The following NEDD4L variants were observed in gnomAD, a reference collection of about 807,000 sequenced individuals.
The protein encoded by NEDD4L is E3 ubiquitin-protein ligase NEDD4-like.
In NEDD4L, 54 loss-of-function variants were observed where a neutral mutation model predicts 148.9. The ratio of observed to expected loss-of-function variants is 0.36; its 90% CI spans 0.29 to 0.45. NEDD4L has a LOEUF of 0.45. Among genes scored for constraint, NEDD4L ranks in the 20% least tolerant of loss-of-function variants. NEDD4L has a pLI of 1.00. For synonymous variants in NEDD4L, 433 were observed against 440.7 expected (o/e 0.98, Z 0.22); for missense variants, 856 against 1,233.8 (o/e 0.69, Z 4.59).
At chr18:58,188,659 A>G (rs1340505096) in intron 2 of NEDD4L, among the ~76,000 whole-genome samples, 1 of 152,158 alleles carries the variant, frequency 6.6e-6, no homozygotes, top group Non-Finnish European at 1.5e-5. Context: ...TTGACTTTCC[A>G]TATAACAGCA....
chr18:58,246,542 G>A (rs560694907), intron 3 of NEDD4L, among the ~76,000 whole-genome samples: 2 of 152,238 alleles, frequency 1.3e-5, no homozygotes, highest in Admixed American at 6.5e-5. Context: ...TCAGCTCACC[G>A]CAACCTTTGC....
At chr18:58,244,308 G>A (rs992458391) in intron 2 of NEDD4L, among the ~76,000 whole-genome samples, 5 of 152,206 alleles carry the variant, frequency 3.3e-5, no homozygotes, top group South Asian at 2.1e-4. Flanking sequence ...ATACATGAGA[G>A]CCCTTTTTAT....
intron 1 of NEDD4L, among the ~76,000 whole-genome samples, chr18:58,142,233 A>T (rs923803070): frequency 8.1e-5 from 12 of 148,318 alleles, no homozygotes; most frequent in Admixed American, 3.4e-4. Context: ...TATTTTTTGT[A>T]GAGACGGGAT....
At chr18:58,095,124 G>T (rs1051337611) in intron 1 of NEDD4L, among the ~76,000 whole-genome samples, 1 of 152,164 alleles carries the variant, frequency 6.6e-6, no homozygotes, top group Non-Finnish European at 1.5e-5. Context: ...GGTTCTCATT[G>T]TTTTATTCCT....
intron 1 of NEDD4L, among the ~76,000 whole-genome samples, chr18:58,141,227 G>A (rs1383494217): frequency 3.3e-5 from 5 of 152,274 alleles, no homozygotes; most frequent in Admixed American, 6.5e-5. Context: ...CCTGGCGGGG[G>A]ATGTGGTAGA....
chr18:58,390,733 G>A lies in NEDD4L; in HGVS notation c.2743G>A (p.Glu915Lys). Reference sequence around the variant, plus strand: ...GCGAGTACCTATGAATGGATTTGCCGAACTTTATGGTGAGCAGGATACCAT... The same window carrying A: ...GCGAGTACCTATGAATGGATTTGCCAAACTTTATGGTGAGCAGGATACCAT... The part of the protein sequence containing the change: ...TSRVPMNGFA[E>K]LYGSNGPQLF... Residue 915 changes from glutamate (E) to lysine (K), a missense_variant, in exon 29 of 31, where the codon GAA (glutamate) becomes AAA (lysine). Transcript: ENST00000400345. 6.3e-7 allele frequency: 1 copy of A among 1,590,484 alleles called. No individual in the cohort carries two copies. Among genetic ancestry groups the A allele is most frequent in the Non-Finnish European group, 8.6e-7 (1 of 1,166,274 alleles).
At chr18:58,330,984 C>G in intron 11 of NEDD4L, 70 bp downstream of exon 11, 1 of 1,493,626 alleles carries the variant, frequency 6.7e-7, no homozygotes, top group South Asian at 1.2e-5. Flanking sequence ...TAAGGAGAAT[C>G]TCTTACGTAA....
chr18:58,197,101 T>C (rs1030742855), intron 2 of NEDD4L, among the ~76,000 whole-genome samples: 2 of 152,138 alleles, frequency 1.3e-5, no homozygotes, highest in African/African-American at 4.8e-5. Flanking sequence ...TGTGTGGCAT[T>C]GGGTCCCTGG....
chr18:58,395,605 C>T (rs763018978), intron 30 of NEDD4L, among the ~76,000 whole-genome samples: 1 of 152,016 alleles, frequency 6.6e-6, no homozygotes, highest in Non-Finnish European at 1.5e-5. Context: ...CTGGTGTTCC[C>T]GAGCCCCGGA....
At chr18:58,339,028 A>G (rs1466288491) in intron 13 of NEDD4L, among the ~76,000 whole-genome samples, 1 of 152,088 alleles carries the variant, frequency 6.6e-6, no homozygotes, top group Non-Finnish European at 1.5e-5. Flanking sequence ...TTGCCTCCCA[A>G]GTGTCCTTTC....
rs1052635234 is a variant in NEDD4L, at chr18:58,295,783, C to T, written c.298-20199C>T. The stretch of plus-strand genomic sequence containing the variant: ...ACAACCACCCACAGCTGCACTTTGG[C>T]ACCCAGGGCAGACAAATAAAAAGGG... On this transcript the variant is annotated intron_variant, in intron 5 of 30. Transcript: ENST00000400345. Among the ~76,000 whole-genome samples, 8 of 151,996 alleles carry T rather than the reference C, an allele frequency of 5.3e-5. No individual in the cohort carries two copies. The East Asian group carries it at 1.3e-3, about 26-fold the overall frequency.
At chr18:58,045,447 TTAA>T (rs1360796941) in intron 1 of NEDD4L, 1 of 263,714 alleles carries the variant, frequency 3.8e-6, no homozygotes, top group Admixed American at 5.4e-5. Flanking sequence ...ATCTCTTTTA[TTAA>T]TAAAGCGACT....
chr18:58,290,802 G>C (rs1171630553), intron 5 of NEDD4L, among the ~76,000 whole-genome samples: 1 of 151,840 alleles, frequency 6.6e-6, no homozygotes, highest in Non-Finnish European at 1.5e-5. Context: ...CTTGTCATCT[G>C]CTCTTAAAGT....
chr18:58,082,100 ATATTTTTTT>A (rs1200101783), intron 1 of NEDD4L, among the ~76,000 whole-genome samples: 13 of 72,242 alleles, frequency 1.8e-4, no homozygotes, highest in Admixed American at 1.8e-3. Context: ...ATATATATAT[ATATTTTTTT>A]TTTTTTTTTT....
At chr18:58,260,431 G>A (rs1244362305) in intron 5 of NEDD4L, among the ~76,000 whole-genome samples, 1 of 152,228 alleles carries the variant, frequency 6.6e-6, no homozygotes, top group Non-Finnish European at 1.5e-5. Context: ...TACATGGCTT[G>A]CAGCATAGCT....
At chr18:58,208,291 T>C (rs2042171444) in intron 2 of NEDD4L, among the ~76,000 whole-genome samples, 1 of 152,234 alleles carries the variant, frequency 6.6e-6, no homozygotes, top group African/African-American at 2.4e-5. Flanking sequence ...CAAATAGAAG[T>C]ATTTGCTCTA....
chr18:58,300,346 A>C (rs2056300780), intron 5 of NEDD4L, among the ~76,000 whole-genome samples: 1 of 152,232 alleles, frequency 6.6e-6, no homozygotes, highest in African/African-American at 2.4e-5. Context: ...CTTAAATGGA[A>C]GTTTTGCAGC....
chr18:58,319,189 G>T (rs2149447285), intron 6 of NEDD4L, among the ~76,000 whole-genome samples: 1 of 152,268 alleles, frequency 6.6e-6, no homozygotes, highest in East Asian at 1.9e-4. Flanking sequence ...TATTTTCCAG[G>T]TGAAAAAGCC....
At chr18:58,224,973 T>C (rs946675325) in intron 2 of NEDD4L, among the ~76,000 whole-genome samples, 1 of 152,176 alleles carries the variant, frequency 6.6e-6, no homozygotes, top group African/African-American at 2.4e-5. Flanking sequence ...TTTAAAAAAA[T>C]TTATTTTCTT....
Sources: gnomAD v4.1 joint callset for allele counts (sites outside exome capture counted in the v4.1 genomes callset) on GRCh38, gnomAD v4.1.1 for gene constraint, MANE v1.5 for transcripts, NCBI Gene and HGNC (gene_info 2026-07-23, HGNC 2026-07-21) for gene names.